FMN1: variants seen among roughly 807,000 people sequenced by gnomAD.
The protein encoded by FMN1 is formin-1.
FMN1 carries 110 observed loss-of-function variants against 132.4 expected under a neutral mutation model. That is an observed-to-expected ratio of 0.83 (90% confidence interval 0.71 to 0.97). The LOEUF (loss-of-function observed/expected upper bound fraction) is 0.97, where lower values mean the gene tolerates loss of function less well. Among genes scored for constraint, FMN1 ranks in the 50% least tolerant of loss-of-function variants. The pLI is 0.00. For missense variants in FMN1, 1,792 were observed against 1,705.3 expected (o/e 1.05, Z -0.90); for synonymous variants, 722 against 651.7 (o/e 1.11, Z -1.64).
chr15:33,070,213 C>T (rs904715826), intron 5 of FMN1, among the ~76,000 whole-genome samples: 3 of 151,532 alleles, frequency 2.0e-5, no homozygotes, highest in African/African-American at 7.3e-5. Context: ...CCATGTTGGT[C>T]AGGCTGGTCT....
intron 6 of FMN1, among the ~76,000 whole-genome samples, chr15:33,017,964 C>T (rs1018573783): frequency 4.0e-5 from 6 of 151,392 alleles, no homozygotes; most frequent in Non-Finnish European, 8.8e-5. Context: ...ACTCGGGGGG[C>T]AGAGGTAGGA....
chr15:33,050,915 A>G (rs1045918640), intron 6 of FMN1, among the ~76,000 whole-genome samples: 2 of 152,248 alleles, frequency 1.3e-5, no homozygotes, highest in Admixed American at 6.5e-5. Flanking sequence ...ATGCACTGAC[A>G]TAGAAAGGTT....
intron 4 of FMN1, among the ~76,000 whole-genome samples, chr15:33,097,060 G>C (rs345792): frequency 0.014 from 2,081 of 152,202 alleles, 37 homozygotes; most frequent in African/African-American, 0.048. Flanking sequence ...TTGGGAGGCC[G>C]AGGTGGGTGG....
At chr15:33,096,051 C>A (rs1462433259) in intron 4 of FMN1, among the ~76,000 whole-genome samples, 1 of 149,762 alleles carries the variant, frequency 6.7e-6, no homozygotes, top group South Asian at 2.1e-4. Flanking sequence ...TGAGCATACA[C>A]AATACAATTA....
chr15:32,918,541 GTC>G (rs1339357135), intron 10 of FMN1, among the ~76,000 whole-genome samples: 1 of 152,110 alleles, frequency 6.6e-6, no homozygotes, highest in Non-Finnish European at 1.5e-5. Context: ...AATCCAAATT[GTC>G]TCCTAAGTCC....
intron 6 of FMN1, among the ~76,000 whole-genome samples, chr15:33,017,475 TTGA>T (rs1416821335): frequency 6.6e-6 from 1 of 152,126 alleles, no homozygotes; most frequent in Non-Finnish European, 1.5e-5. Context: ...CTAAAAATAG[TTGA>T]TTTTTTTTTT....
intron 5 of FMN1, among the ~76,000 whole-genome samples, chr15:33,079,647 C>T (rs950000637): frequency 5.9e-5 from 9 of 152,224 alleles, no homozygotes; most frequent in Non-Finnish European, 1.2e-4. Flanking sequence ...GAGCTGTTAG[C>T]AGATTTGCCA....
chr15:32,931,994 T>C (rs2061130669), intron 9 of FMN1, among the ~76,000 whole-genome samples: 1 of 152,248 alleles, frequency 6.6e-6, no homozygotes, highest in South Asian at 2.1e-4. Flanking sequence ...TCATTTGTTC[T>C]TTTAATGTAA....
At chr15:33,151,027 T>A (rs2140276292) in intron 4 of FMN1, 1 of 1,167,628 alleles carries the variant, frequency 8.6e-7, no homozygotes, top group Non-Finnish European at 1.1e-6. Flanking sequence ...CTGTATGGGC[T>A]TCCCAGCTGC....
chr15:33,183,064 T>A (rs1193550899), intron 2 of FMN1, among the ~76,000 whole-genome samples: 1 of 152,218 alleles, frequency 6.6e-6, no homozygotes, highest in East Asian at 1.9e-4. Context: ...TACACTGTCC[T>A]ATGACTTACA....
intron 4 of FMN1, among the ~76,000 whole-genome samples, chr15:33,122,191 G>A (rs938040174): frequency 2.0e-5 from 3 of 152,202 alleles, no homozygotes; most frequent in African/African-American, 7.2e-5. Flanking sequence ...AAACCTAAAA[G>A]ATTGAAAACT....
At chr15:33,054,041 A>C (rs2037103497) in intron 6 of FMN1, among the ~76,000 whole-genome samples, 1 of 152,136 alleles carries the variant, frequency 6.6e-6, no homozygotes. Flanking sequence ...GGTGCTAAAA[A>C]ATCCAACCCT....
At chr15:32,852,404 G>T (rs1348508182) in intron 17 of FMN1, among the ~76,000 whole-genome samples, 2 of 152,000 alleles carry the variant, frequency 1.3e-5, no homozygotes, top group Non-Finnish European at 2.9e-5. Context: ...TTGTTTTTGA[G>T]ACAGCGTCTT....
intron 19 of FMN1, among the ~76,000 whole-genome samples, chr15:32,794,704 T>G (rs746494101): frequency 2.0e-5 from 3 of 152,232 alleles, no homozygotes; most frequent in Non-Finnish European, 4.4e-5. Context: ...GAAACATGTG[T>G]ACCAAAAATT....
chr15:32,912,722 G>T (rs1232210960), intron 10 of FMN1, among the ~76,000 whole-genome samples: 2 of 151,412 alleles, frequency 1.3e-5, no homozygotes, highest in African/African-American at 4.9e-5. Context: ...TTTTCTGAAG[G>T]AACACATTCA....
At chr15:32,842,126 T>A (rs1024241122) in intron 17 of FMN1, among the ~76,000 whole-genome samples, 4 of 152,248 alleles carry the variant, frequency 2.6e-5, no homozygotes, top group African/African-American at 4.8e-5. Context: ...TGATGTTTCA[T>A]TCCCAGTGTT....
chr15:33,107,627 G>C (rs75454673), intron 4 of FMN1, among the ~76,000 whole-genome samples: 6,469 of 152,066 alleles, frequency 0.043, 153 homozygotes, highest in South Asian at 0.098. Flanking sequence ...TTAAATGGCT[G>C]ATTTCTTCAC....
At chr15:33,090,596 G>A (rs965947681) in intron 4 of FMN1, among the ~76,000 whole-genome samples, 2 of 151,958 alleles carry the variant, frequency 1.3e-5, no homozygotes, top group African/African-American at 4.8e-5. Flanking sequence ...GTCTAGAAGA[G>A]TATACCCAGG....
chr15:32,813,237 G>C (rs750394275), intron 17 of FMN1, among the ~76,000 whole-genome samples: 25 of 152,156 alleles, frequency 1.6e-4, no homozygotes, highest in Non-Finnish European at 4.4e-5. Context: ...ATCCTCCACG[G>C]ATACTGAGGG....
Sources: gnomAD v4.1 joint callset for allele counts (sites outside exome capture counted in the v4.1 genomes callset) on GRCh38, gnomAD v4.1.1 for gene constraint, MANE v1.5 for transcripts, NCBI Gene and HGNC (gene_info 2026-07-23, HGNC 2026-07-21) for gene names.